The following CLYBL variants were observed in gnomAD, a reference collection of about 807,000 sequenced individuals.
The protein encoded by CLYBL is citramalyl-CoA lyase.
A neutral mutation model predicts 38.9 loss-of-function variants in CLYBL; 31 were observed. That is an observed-to-expected ratio of 0.80 (90% CI 0.60 to 1.08). CLYBL has a LOEUF of 1.08. Ranked by LOEUF, CLYBL falls within the 50% of genes least tolerant of loss-of-function variation. The pLI is 0.00. For synonymous variants in CLYBL, 171 were observed against 158.6 expected, an observed-to-expected ratio of 1.08 and a Z score of -0.59; for missense variants, 434 against 411.6, an observed-to-expected ratio of 1.05 and a Z score of -0.47.
intron 1 of CLYBL, among the ~76,000 whole-genome samples, chr13:99,734,475 A>C (rs1471284602): frequency 1.3e-5 from 2 of 152,082 alleles, no homozygotes; most frequent in Non-Finnish European, 1.5e-5. Flanking sequence ...ACTTTCCTTT[A>C]GTGCAAACTA....
intron 1 of CLYBL, among the ~76,000 whole-genome samples, chr13:99,645,171 G>C (rs1171460618): frequency 6.6e-6 from 1 of 151,912 alleles, no homozygotes; most frequent in Non-Finnish European, 1.5e-5. Flanking sequence ...CCATATCCTC[G>C]CTAGCATTTG....
intron 1 of CLYBL, among the ~76,000 whole-genome samples, chr13:99,714,799 A>C (rs1295897926): frequency 6.6e-6 from 1 of 151,864 alleles, no homozygotes; most frequent in Non-Finnish European, 1.5e-5. Context: ...AACACAAAAA[A>C]TTAGCCAGGC....
downstream of CLYBL, among the ~76,000 whole-genome samples, chr13:99,898,014 C>A (rs1390306842): frequency 4.6e-5 from 7 of 152,012 alleles, no homozygotes; most frequent in African/African-American, 1.7e-4. Flanking sequence ...CTGGAAGGAA[C>A]TTTAGAGATT....
chr13:99,676,228 CCTTCCTTCCTTT>C lies in CLYBL; in HGVS notation c.62+69473_62+69484del, dbSNP rs1467633931. Among the ~76,000 whole-genome samples the C allele has an allele frequency of 9.3e-3, 970 of 104,548 alleles. 21 individuals are homozygous for C. Among genetic ancestry groups the C allele is most frequent in the African/African-American group, 0.026 (917 of 34,906 alleles). The allele number at this position is 104,548 out of a possible 152,430, so 68.6% of individuals were successfully genotyped here. On this transcript the variant is annotated intron_variant, in intron 1 of 8. Transcript: ENST00000339105. ...TCCTTCCTTCCTTCCTTCCTTCCTTCCTTCCTTCCTTTCCTCCCTTTCTTTTTCTTTTTCTAT... is the reference window on the plus strand; with the variant it reads ...TCCTTCCTTCCTTCCTTCCTTCCTTCCCTCCCTTTCTTTTTCTTTTTCTAT...
At chr13:99,864,354 T>A (rs1346348876) in intron 4 of CLYBL, among the ~76,000 whole-genome samples, 1 of 152,236 alleles carries the variant, frequency 6.6e-6, no homozygotes, top group East Asian at 1.9e-4. Context: ...CATTTTTATT[T>A]TCCCCTCCGG....
intron 2 of CLYBL, among the ~76,000 whole-genome samples, chr13:99,821,093 G>T (rs1009967061): frequency 2.0e-5 from 3 of 152,174 alleles, no homozygotes; most frequent in Non-Finnish European, 2.9e-5. Context: ...AAACTGCTTG[G>T]TGGAAGCAAT....
chr13:99,819,339 T>C (rs2050526254), intron 2 of CLYBL, among the ~76,000 whole-genome samples: 1 of 143,406 alleles, frequency 7.0e-6, no homozygotes, highest in Non-Finnish European at 1.5e-5. Context: ...TGAAACCCTG[T>C]CTCAAAAAAA....
chr13:99,724,339 A>G (rs2048437138), intron 1 of CLYBL, among the ~76,000 whole-genome samples: 1 of 152,148 alleles, frequency 6.6e-6, no homozygotes, highest in South Asian at 2.1e-4. Flanking sequence ...TCCGTTATGA[A>G]TCTGTTTGTT....
At chr13:99,694,370 G>A (rs866555024) in intron 1 of CLYBL, among the ~76,000 whole-genome samples, 7 of 152,220 alleles carry the variant, frequency 4.6e-5, no homozygotes, top group South Asian at 2.1e-4. Context: ...CAACCAAAGC[G>A]TGCGTTTTCC....
chr13:99,875,859 C>T (rs906588954), intron 7 of CLYBL, among the ~76,000 whole-genome samples: 4 of 152,112 alleles, frequency 2.6e-5, no homozygotes, highest in Admixed American at 1.3e-4. Context: ...TTAGTAATTG[C>T]ACTTTTCTCT....
chr13:99,658,726 T>TAA (rs58448505), intron 1 of CLYBL, among the ~76,000 whole-genome samples: 6 of 151,600 alleles, frequency 4.0e-5, no homozygotes, highest in Admixed American at 1.3e-4. Context: ...TAAAGAAAAG[T>TAA]AAAAAAAATC....
intron 1 of CLYBL, among the ~76,000 whole-genome samples, chr13:99,731,082 CAAAAA>C (rs764705741): frequency 1.8e-5 from 1 of 57,016 alleles, no homozygotes; most frequent in Non-Finnish European, 3.0e-5. Flanking sequence ...GACTCTGTTT[CAAAAA>C]AAAAAAAAAA....
At chr13:99,794,103 G>A (rs2049973870) in intron 2 of CLYBL, among the ~76,000 whole-genome samples, 1 of 152,156 alleles carries the variant, frequency 6.6e-6, no homozygotes, top group African/African-American at 2.4e-5. Flanking sequence ...AAGAGGTTTT[G>A]GTTTGCTAAA....
At chr13:99,709,071 C>A (rs1315088642) in intron 1 of CLYBL, among the ~76,000 whole-genome samples, 1 of 151,096 alleles carries the variant, frequency 6.6e-6, no homozygotes, top group Non-Finnish European at 1.5e-5. Context: ...CCAGCCTGGG[C>A]GGCAGAGCGA....
intron 1 of CLYBL, among the ~76,000 whole-genome samples, chr13:99,700,089 G>A (rs1055377434): frequency 1.3e-5 from 2 of 152,156 alleles, no homozygotes; most frequent in African/African-American, 4.8e-5. Flanking sequence ...AATGAAAACA[G>A]GCATTAGCAT....
At chr13:99,716,441 T>C (rs2048316655) in intron 1 of CLYBL, among the ~76,000 whole-genome samples, 1 of 150,498 alleles carries the variant, frequency 6.6e-6, no homozygotes. Context: ...TGGAGTGCAA[T>C]GGCGCAATCT....
intron 2 of CLYBL, among the ~76,000 whole-genome samples, chr13:99,839,089 T>A (rs1443792607): frequency 1.3e-5 from 2 of 152,170 alleles, no homozygotes; most frequent in African/African-American, 4.8e-5. Context: ...TTTTTATCAA[T>A]CTCCATGTGA....
rs934171359 is a variant in CLYBL at position 99,661,079 on chromosome 13, T to A, written c.62+54322T>A. Among the ~76,000 whole-genome samples the A allele has an allele frequency of 5.3e-5, 8 of 152,146 alleles. No individual in the cohort carries two copies. In the South Asian group the frequency reaches 6.2e-4, roughly 12 times the overall value. ...AATATGCTATTTTAATTGAAAAAAA[T>A]TTTTGACAAAACACATTTACACCGA... On this transcript the variant is annotated intron_variant, in intron 1 of 8. Transcript: ENST00000339105.
intron 2 of CLYBL, among the ~76,000 whole-genome samples, chr13:99,805,518 T>C (rs1284641369): frequency 6.6e-6 from 1 of 151,892 alleles, no homozygotes; most frequent in Non-Finnish European, 1.5e-5. Flanking sequence ...GACAAACTTC[T>C]ACCATCCCAG....
Sources: gnomAD v4.1 joint callset for allele counts (sites outside exome capture counted in the v4.1 genomes callset) on GRCh38, gnomAD v4.1.1 for gene constraint, MANE v1.5 for transcripts, NCBI Gene and HGNC (gene_info 2026-07-23, HGNC 2026-07-21) for gene names.